The following ACTR3C variants were observed in gnomAD, a reference collection of about 807,000 sequenced individuals.
The protein encoded by ACTR3C is actin related protein 3C.
ACTR3C carries 18 observed loss-of-function variants against 26.3 expected under a neutral mutation model. The ratio of observed to expected loss-of-function variants is 0.68; its 90% CI spans 0.47 to 1.01. The LOEUF (loss-of-function observed/expected upper bound fraction) is 1.01. Among genes scored for constraint, ACTR3C ranks in the 50% least tolerant of loss-of-function variants. ACTR3C has a pLI of 0.00. For missense variants in ACTR3C, 184 were observed against 250.7 expected (o/e 0.73, Z 1.80); for synonymous variants, 55 against 94.5 (o/e 0.58, Z 2.42).
At chr7:150,223,348 C>CG in the ACTR3C span, among the ~76,000 whole-genome samples, 1 of 151,580 alleles carries the variant, frequency 6.6e-6, no homozygotes, top group East Asian at 1.9e-4. Context: ...TTCTAGTTTT[C>CG]AACTATTTAT....
the ACTR3C span, among the ~76,000 whole-genome samples, chr7:150,188,730 G>A: frequency 6.6e-6 from 1 of 151,842 alleles, no homozygotes; most frequent in African/African-American, 2.4e-5. Context: ...TTGTAGACAT[G>A]GTTGAGTATC....
the ACTR3C span, among the ~76,000 whole-genome samples, chr7:149,996,300 G>A: frequency 6.6e-5 from 10 of 150,744 alleles, no homozygotes; most frequent in East Asian, 5.9e-4. Context: ...GGGAGACGGC[G>A]GAGGCTCCAC....
the ACTR3C span, among the ~76,000 whole-genome samples, chr7:149,956,999 T>A: frequency 6.6e-6 from 1 of 152,116 alleles, no homozygotes; most frequent in South Asian, 2.1e-4. Context: ...ATTATTTCTG[T>A]CTCTCATACA....
the ACTR3C span, among the ~76,000 whole-genome samples, chr7:150,094,798 G>C: frequency 6.6e-6 from 1 of 150,746 alleles, no homozygotes; most frequent in African/African-American, 2.5e-5. Context: ...AGTGAGGCCC[G>C]CAGGATCTCC....
At chr7:150,006,555 A>C in the ACTR3C span, among the ~76,000 whole-genome samples, 5 of 150,032 alleles carry the variant, frequency 3.3e-5, no homozygotes, top group Admixed American at 6.7e-5. Context: ...CTAATATGGA[A>C]AAAGCTTAAG....
chr7:150,158,981 G>GGCACA, the ACTR3C span, among the ~76,000 whole-genome samples: 4 of 98,354 alleles, frequency 4.1e-5, no homozygotes, highest in East Asian at 1.1e-3. Context: ...ACACAGGCAC[G>GGCACA]CACACACGCA....
At chr7:150,075,952 G>A in the ACTR3C span, among the ~76,000 whole-genome samples, 7 of 152,086 alleles carry the variant, frequency 4.6e-5, no homozygotes, top group African/African-American at 7.2e-5. Flanking sequence ...ACTTAGCAAA[G>A]AGTCACACAA....
the ACTR3C span, among the ~76,000 whole-genome samples, chr7:150,199,932 T>G: frequency 1.3e-5 from 2 of 152,130 alleles, no homozygotes; most frequent in Non-Finnish European, 2.9e-5. Flanking sequence ...AAGCTATAAC[T>G]GTTATCATTT....
the ACTR3C span, among the ~76,000 whole-genome samples, chr7:150,228,834 A>G: frequency 8.0e-5 from 12 of 150,348 alleles, no homozygotes; most frequent in Non-Finnish European, 1.6e-4. Context: ...ATATAATAAT[A>G]CAAAATTTAT....
the ACTR3C span, among the ~76,000 whole-genome samples, chr7:150,156,789 C>T: frequency 6.6e-6 from 1 of 151,968 alleles, no homozygotes; most frequent in African/African-American, 2.4e-5. Flanking sequence ...CCTCTTACAC[C>T]AATGTCATCC....
the ACTR3C span, among the ~76,000 whole-genome samples, chr7:149,886,000 T>C: frequency 6.6e-6 from 1 of 152,252 alleles, no homozygotes; most frequent in Non-Finnish European, 1.5e-5. Flanking sequence ...GCTTCATTTT[T>C]ATTGATGAAT....
the ACTR3C span, chr7:150,001,046 C>T: frequency 2.0e-5 from 3 of 152,484 alleles, no homozygotes; most frequent in South Asian, 2.1e-4. Flanking sequence ...GCGCCAGAGC[C>T]GTGAGCATCA....
At chr7:149,910,421 C>T in the ACTR3C span, among the ~76,000 whole-genome samples, 1 of 152,080 alleles carries the variant, frequency 6.6e-6, no homozygotes, top group African/African-American at 2.4e-5. Flanking sequence ...CAAAATACTA[C>T]TATCTGTTCC....
the ACTR3C span, among the ~76,000 whole-genome samples, chr7:149,889,535 T>G: frequency 6.6e-6 from 1 of 152,182 alleles, no homozygotes; most frequent in Non-Finnish European, 1.5e-5. Flanking sequence ...AAAAATATAC[T>G]TAGCCCCATT....
At chr7:150,121,813 A>G in the ACTR3C span, among the ~76,000 whole-genome samples, 1 of 152,188 alleles carries the variant, frequency 6.6e-6, no homozygotes, top group Non-Finnish European at 1.5e-5. Context: ...TGGAGGCATC[A>G]TGCTACCTGA....
chr7:149,998,664 A>G, the ACTR3C span, among the ~76,000 whole-genome samples: 1 of 150,266 alleles, frequency 6.7e-6, no homozygotes, highest in African/African-American at 2.4e-5. Flanking sequence ...TACCTCCCAC[A>G]GGGTCCCTTC....
chr7:150,012,536 C>T, the ACTR3C span, among the ~76,000 whole-genome samples: 3 of 150,386 alleles, frequency 2.0e-5, no homozygotes, highest in Non-Finnish European at 4.4e-5. Context: ...AGGATGGTCT[C>T]GATCTCCTGA....
the ACTR3C span, among the ~76,000 whole-genome samples, chr7:150,041,790 G>A: frequency 7.8e-6 from 1 of 128,626 alleles, no homozygotes; most frequent in Admixed American, 7.4e-5. Flanking sequence ...CCTGCCTCGC[G>A]GGGGGTGCCT....
the ACTR3C span, among the ~76,000 whole-genome samples, chr7:150,047,025 AT>A: frequency 4.4e-3 from 644 of 147,368 alleles, 1 homozygote; most frequent in Non-Finnish European, 6.3e-3. Context: ...GTATTTTGGT[AT>A]TTTTTTTTTT....
Sources: gnomAD v4.1 joint callset for allele counts (sites outside exome capture counted in the v4.1 genomes callset) on GRCh38, gnomAD v4.1.1 for gene constraint, MANE v1.5 for transcripts, NCBI Gene and HGNC (gene_info 2026-07-23, HGNC 2026-07-21) for gene names.